The following ADAMTS17 variants were observed in gnomAD, a reference collection of about 807,000 sequenced individuals.
The protein encoded by ADAMTS17 is A disintegrin and metalloproteinase with thrombospondin motifs 17.
Under a neutral mutation model 141.5 loss-of-function variants are expected in ADAMTS17, and 113 were observed. That is an observed-to-expected ratio of 0.80 (90% CI 0.69 to 0.93). The LOEUF (loss-of-function observed/expected upper bound fraction) is 0.93. Ranked by LOEUF, ADAMTS17 falls within the 40% of genes least tolerant of loss-of-function variation. The pLI is 0.00. For missense variants in ADAMTS17, 1,659 were observed against 1,517.9 expected, an observed-to-expected ratio of 1.09 and a Z score of -1.54; for synonymous variants, 768 against 630.6, an observed-to-expected ratio of 1.22 and a Z score of -3.27.
intron 18 of ADAMTS17, among the ~76,000 whole-genome samples, chr15:99,999,085 C>G (rs969157362): frequency 6.6e-6 from 1 of 152,178 alleles, no homozygotes; most frequent in Admixed American, 6.6e-5. Context: ...CCGGTCCCAG[C>G]TGAGTGGCTC....
chr15:100,096,534 G>A, intron 14 of ADAMTS17, 58 bp from the exon 15 acceptor site: 3 of 1,612,324 alleles, frequency 1.9e-6, no homozygotes, highest in South Asian at 1.1e-5. Flanking sequence ...GTTTTAAAGA[G>A]GCTGCCCTGC....
At chr15:99,979,709 G>A (rs1278100889) in intron 20 of ADAMTS17, 1 of 152,204 alleles carries the variant, frequency 6.6e-6, no homozygotes, top group Non-Finnish European at 1.5e-5. Context: ...TCACCAGGTT[G>A]CACCACACAA....
chr15:100,054,385 A>G (rs1472315860), intron 15 of ADAMTS17, among the ~76,000 whole-genome samples: 2 of 152,192 alleles, frequency 1.3e-5, no homozygotes, highest in East Asian at 1.9e-4. Flanking sequence ...CCATGGTCTG[A>G]TATCATTTCA....
rs773524187 is a variant in ADAMTS17 at position 100,091,112 on chromosome 15, T to G, written c.2137+5244A>C. On this transcript the variant is annotated intron_variant, in intron 15 of 21. Coordinates refer to ENST00000268070, the MANE Select transcript of ADAMTS17 (RefSeq NM_139057.4). ...CGGGGAAACTGCCTCGAGCTCACAG[T>G]CCTCCAACCCCTGCTCTGACCCAGA... Among the ~76,000 whole-genome samples, 83 of 149,246 alleles carry G rather than the reference T, an allele frequency of 5.6e-4. 1 individual carries two copies. The highest frequency in any genetic ancestry group is 1.5e-3 in the Admixed American group (22 of 14,962).
chr15:100,189,146 T>A (rs887709669), intron 8 of ADAMTS17, among the ~76,000 whole-genome samples: 2 of 152,352 alleles, frequency 1.3e-5, no homozygotes, highest in South Asian at 4.1e-4. Context: ...GACTACACTG[T>A]GAAGTGCAAG....
At chr15:100,213,808 C>A (rs944304564) in intron 7 of ADAMTS17, among the ~76,000 whole-genome samples, 2 of 152,248 alleles carry the variant, frequency 1.3e-5, no homozygotes, top group African/African-American at 4.8e-5. Context: ...CTCTCCTGCA[C>A]CTGGGAGCAC....
At chr15:100,065,339 C>T (rs2033441110) in intron 15 of ADAMTS17, among the ~76,000 whole-genome samples, 1 of 152,146 alleles carries the variant, frequency 6.6e-6, no homozygotes, top group African/African-American at 2.4e-5. Flanking sequence ...GTATAAGGTA[C>T]AAAATTCAAA....
At chr15:100,281,162 T>G (rs1366478526) in intron 4 of ADAMTS17, 67 bp downstream of exon 4, 1 of 1,592,814 alleles carries the variant, frequency 6.3e-7, no homozygotes. Context: ...ACACAGCACC[T>G]GCTTCCAGAT....
At chr15:100,101,764 G>A (rs2036116199) in intron 14 of ADAMTS17, among the ~76,000 whole-genome samples, 1 of 152,206 alleles carries the variant, frequency 6.6e-6, no homozygotes, top group African/African-American at 2.4e-5. Flanking sequence ...TACAAGTTTT[G>A]ATGGTACTTG....
chr15:100,035,419 T>G (rs746275744), intron 18 of ADAMTS17, among the ~76,000 whole-genome samples: 19 of 152,220 alleles, frequency 1.2e-4, no homozygotes, highest in Non-Finnish European at 2.5e-4. Flanking sequence ...CCTGTCTGTG[T>G]GTGAAGGGAT....
chr15:100,311,180 G>A (rs2045392854), intron 3 of ADAMTS17, among the ~76,000 whole-genome samples: 1 of 152,238 alleles, frequency 6.6e-6, no homozygotes, highest in African/African-American at 2.4e-5. Flanking sequence ...GAAGCCGGGT[G>A]TGCACTCTCA....
At chr15:100,303,028 T>TACTCCTTACTCCTTACTCC (rs2045096350) in intron 3 of ADAMTS17, among the ~76,000 whole-genome samples, 1 of 151,324 alleles carries the variant, frequency 6.6e-6, no homozygotes, top group African/African-American at 2.4e-5. Flanking sequence ...CCTTACTCCA[T>TACTCCTTACTCCTTACTCC]AGCCTGCAGA....
chr15:100,240,256 C>G (rs2042789916), intron 7 of ADAMTS17, among the ~76,000 whole-genome samples: 1 of 152,216 alleles, frequency 6.6e-6, no homozygotes, highest in Non-Finnish European at 1.5e-5. Flanking sequence ...TTCCAATCCC[C>G]AGGCCTAAGT....
intron 15 of ADAMTS17, 35 bp from the exon 16 acceptor site, chr15:100,054,089 G>C: frequency 6.2e-7 from 1 of 1,613,836 alleles, no homozygotes; most frequent in Non-Finnish European, 8.5e-7. Flanking sequence ...GAATCAAGGG[G>C]CTGGGGGTAG....
chr15:100,228,661 C>T (rs1000359809), intron 7 of ADAMTS17, among the ~76,000 whole-genome samples: 3 of 152,314 alleles, frequency 2.0e-5, no homozygotes, highest in South Asian at 4.1e-4. Context: ...GGGCATGAAA[C>T]GTCAAATGCC....
At chr15:100,332,299 G>A (rs556307839) in intron 2 of ADAMTS17, among the ~76,000 whole-genome samples, 29 of 152,328 alleles carry the variant, frequency 1.9e-4, no homozygotes, top group South Asian at 4.1e-4. Flanking sequence ...AATGGAAGAC[G>A]GTGGCCACAG....
chr15:100,113,585 C>A (rs533451278), intron 13 of ADAMTS17, among the ~76,000 whole-genome samples: 2 of 152,176 alleles, frequency 1.3e-5, no homozygotes, highest in African/African-American at 4.8e-5. Flanking sequence ...TAAGAGGTGC[C>A]GTGGGCTACC....
rs2043751988 is a variant in ADAMTS17, at chr15:100,267,369, C to G, written c.790-4934G>C. On this transcript the variant is annotated intron_variant, in intron 4 of 21. Transcript: ENST00000268070. ...GGACACCCCACGTTTTGTTTATCTG[C>G]CCATCTGCCAATGGACACCTTGGCT... is the stretch of plus-strand genomic sequence containing the variant. Among the ~76,000 whole-genome samples, 4 of 152,158 alleles carry G rather than the reference C, an allele frequency of 2.6e-5. No homozygotes were observed. The South Asian group carries it at 8.3e-4, about 32-fold the overall frequency.
intron 13 of ADAMTS17, among the ~76,000 whole-genome samples, chr15:100,110,384 C>G (rs905218644): frequency 1.3e-5 from 2 of 151,436 alleles, no homozygotes; most frequent in Non-Finnish European, 2.9e-5. Context: ...CCTGCCTCAG[C>G]CTCCCGAGTA....
Sources: allele counts gnomAD v4.1 joint callset (sites outside exome capture counted in the v4.1 genomes callset), GRCh38; gene constraint gnomAD v4.1.1; transcripts MANE v1.5; gene names NCBI Gene and HGNC (gene_info 2026-07-23, HGNC 2026-07-21).